The following TRDN variants were observed in gnomAD, a reference collection of about 807,000 sequenced individuals.
TRDN encodes triadin.
A neutral mutation model predicts 149.7 loss-of-function variants in TRDN; 161 were observed. The ratio of observed to expected loss-of-function variants is 1.08; its 90% CI spans 0.95 to 1.23. The LOEUF (loss-of-function observed/expected upper bound fraction) is 1.23, where lower values mean the gene tolerates loss of function less well. Among genes scored for constraint, TRDN ranks in the 50% most tolerant of loss-of-function variants. The pLI is 0.00. For missense variants in TRDN, 896 were observed against 823.5 expected (o/e 1.09, Z -1.08); for synonymous variants, 294 against 250.5 (o/e 1.17, Z -1.64).
At position 123,576,603 on chromosome 6, in the gene TRDN, C is replaced by T. The variant is rs182468423; in HGVS notation, c.23-5471G>A. ...CTCCCAGGCCGCTTTTATAAGGTCA[C>T]TAATTCCATTCATGGGCTCCACCTT... On this transcript the variant is annotated intron_variant, in intron 1 of 40. Transcript: ENST00000334268. 4.6e-5 allele frequency among the ~76,000 whole-genome samples: 7 copies of T among 152,166 alleles called. No homozygotes were observed. The East Asian group carries it at 1.4e-3, about 29-fold the overall frequency.
intron 4 of TRDN, among the ~76,000 whole-genome samples, chr6:123,544,986 C>A (rs1781042812): frequency 6.6e-6 from 1 of 151,918 alleles, no homozygotes; most frequent in Admixed American, 6.6e-5. Context: ...AAATAACAAA[C>A]TGGCTGAATT....
chr6:123,280,873 G>A (rs1029684609), intron 24 of TRDN, among the ~76,000 whole-genome samples: 43 of 151,926 alleles, frequency 2.8e-4, no homozygotes, highest in African/African-American at 1.0e-3. Context: ...GTGGTCATGT[G>A]TATCTATCAT....
At chr6:123,510,769 G>T (rs997519137) in intron 7 of TRDN, among the ~76,000 whole-genome samples, 1 of 151,742 alleles carries the variant, frequency 6.6e-6, no homozygotes, top group African/African-American at 2.4e-5. Context: ...TCAGCCTTCT[G>T]AGTAGCTGGG....
At chr6:123,219,813 G>C (rs1293071584) in intron 40 of TRDN, among the ~76,000 whole-genome samples, 1 of 151,768 alleles carries the variant, frequency 6.6e-6, no homozygotes, top group African/African-American at 2.4e-5. Context: ...ATGGGAGCTT[G>C]GGGGTTAGGC....
intron 1 of TRDN, among the ~76,000 whole-genome samples, chr6:123,601,739 G>C (rs901598070): frequency 6.6e-6 from 1 of 152,052 alleles, no homozygotes; most frequent in Non-Finnish European, 1.5e-5. Context: ...CTCTAAGCTG[G>C]CAGGTAACAA....
At chr6:123,609,327 A>G (rs1252199517) in intron 1 of TRDN, among the ~76,000 whole-genome samples, 2 of 152,150 alleles carry the variant, frequency 1.3e-5, no homozygotes, top group Non-Finnish European at 2.9e-5. Flanking sequence ...TTTATTAGAG[A>G]ACTCATCATA....
At chr6:123,496,617 A>G (rs996647666) in intron 9 of TRDN, among the ~76,000 whole-genome samples, 2 of 152,096 alleles carry the variant, frequency 1.3e-5, no homozygotes, top group African/African-American at 4.8e-5. Context: ...TCTGGGCAAC[A>G]ATTAAAGATA....
chr6:123,551,213 T>C (rs1360839856), intron 2 of TRDN, among the ~76,000 whole-genome samples: 3 of 143,104 alleles, frequency 2.1e-5, no homozygotes, highest in Non-Finnish European at 3.1e-5. Flanking sequence ...GATATATATA[T>C]ATATATATAT....
intron 32 of TRDN, 31 bp from the exon 33 acceptor site, chr6:123,265,369 T>G (rs1776906081): frequency 7.3e-7 from 1 of 1,372,488 alleles, no homozygotes; most frequent in Non-Finnish European, 9.8e-7. Context: ...AAAAAGAAAA[T>G]GAGTGATAAT....
intron 30 of TRDN, among the ~76,000 whole-genome samples, chr6:123,270,449 G>T (rs1321257386): frequency 6.6e-6 from 1 of 151,906 alleles, no homozygotes; most frequent in East Asian, 1.9e-4. Flanking sequence ...CTTTTGGAAT[G>T]ATTATTAGTA....
At chr6:123,385,293 T>C (rs1418024706) in intron 14 of TRDN, among the ~76,000 whole-genome samples, 2 of 151,898 alleles carry the variant, frequency 1.3e-5, no homozygotes, top group Non-Finnish European at 2.9e-5. Context: ...CCGGGTGTGG[T>C]AGCAGCCGCC....
intron 38 of TRDN, among the ~76,000 whole-genome samples, chr6:123,243,700 AAAAG>A (rs1215809194): frequency 6.6e-6 from 1 of 152,154 alleles, no homozygotes; most frequent in Non-Finnish European, 1.5e-5. Context: ...AAAATCAAGT[AAAAG>A]AAAGAATCTC....
At chr6:123,313,466 TTTTG>T (rs1049768113) in intron 24 of TRDN, among the ~76,000 whole-genome samples, 14 of 151,914 alleles carry the variant, frequency 9.2e-5, no homozygotes, top group Non-Finnish European at 1.9e-4. Context: ...GAATGGAGAT[TTTTG>T]TTTGTTTGTT....
At chr6:123,447,188 A>T (rs897407101) in intron 10 of TRDN, among the ~76,000 whole-genome samples, 1 of 152,184 alleles carries the variant, frequency 6.6e-6, no homozygotes, top group Non-Finnish European at 1.5e-5. Flanking sequence ...TGTTAACAAC[A>T]AACAACTAAC....
intron 19 of TRDN, among the ~76,000 whole-genome samples, chr6:123,373,881 C>A (rs1259937462): frequency 1.3e-5 from 2 of 152,110 alleles, no homozygotes; most frequent in East Asian, 1.9e-4. Flanking sequence ...TCAATGGTAT[C>A]TATAATGATA....
intron 38 of TRDN, among the ~76,000 whole-genome samples, chr6:123,235,988 A>G (rs1413357428): frequency 6.6e-6 from 1 of 152,176 alleles, no homozygotes; most frequent in African/African-American, 2.4e-5. Context: ...TATAGCTGCA[A>G]TAAACATTTA....
chr6:123,422,087 T>C (rs543564681), intron 12 of TRDN, among the ~76,000 whole-genome samples: 11 of 152,278 alleles, frequency 7.2e-5, no homozygotes, highest in Middle Eastern at 3.4e-3. Flanking sequence ...TTGTATTATA[T>C]ATTGTAGGTA....
intron 9 of TRDN, among the ~76,000 whole-genome samples, chr6:123,494,658 A>C (rs1020138724): frequency 1.3e-5 from 2 of 152,230 alleles, no homozygotes; most frequent in Non-Finnish European, 2.9e-5. Flanking sequence ...TTGACTTTAC[A>C]AAAATTATGT....
chr6:123,587,329 C>A (rs1484036059), intron 1 of TRDN, among the ~76,000 whole-genome samples: 6 of 152,190 alleles, frequency 3.9e-5, no homozygotes, highest in Non-Finnish European at 7.3e-5. Context: ...TAAAACGTGT[C>A]TCCTTTGTCT....
Sources: allele counts gnomAD v4.1 joint callset (sites outside exome capture counted in the v4.1 genomes callset), GRCh38; gene constraint gnomAD v4.1.1; transcripts MANE v1.5; gene names NCBI Gene and HGNC (gene_info 2026-07-23, HGNC 2026-07-21).